ABCG2: variants seen among roughly 807,000 people sequenced by gnomAD.
ABCG2 encodes the protein broad substrate specificity ATP-binding cassette transporter ABCG2.
Under a neutral mutation model 73.5 loss-of-function variants are expected in ABCG2, and 80 were observed. The ratio of observed to expected loss-of-function variants is 1.09; its 90% CI spans 0.91 to 1.31. The LOEUF (loss-of-function observed/expected upper bound fraction) is 1.31, where lower values mean the gene tolerates loss of function less well. Among genes scored for constraint, ABCG2 ranks in the 50% most tolerant of loss-of-function variants. The probability of loss-of-function intolerance (pLI) is 0.00; values close to 1 mark genes in which losing one functional copy is unlikely to be tolerated. For synonymous variants in ABCG2, 269 were observed against 282.4 expected (o/e 0.95, Z 0.48); for missense variants, 796 against 786.2 (o/e 1.01, Z -0.15).
At chr4:88,211,905 A>ATT (rs2110123881) in intron 1 of ABCG2, among the ~76,000 whole-genome samples, 1 of 152,288 alleles carries the variant, frequency 6.6e-6, no homozygotes, top group South Asian at 2.1e-4. Context: ...AAGTTTGGCC[A>ATT]TTTTTGTCTT....
upstream of ABCG2, among the ~76,000 whole-genome samples, chr4:88,159,766 A>C (rs1727200796): frequency 6.6e-6 from 1 of 152,242 alleles, no homozygotes; most frequent in African/African-American, 2.4e-5. Context: ...AAAATTGACT[A>C]TACATAATTT....
chr4:88,153,403 T>C (rs1372855228), intron 1 of ABCG2, among the ~76,000 whole-genome samples: 1 of 151,992 alleles, frequency 6.6e-6, no homozygotes, highest in Non-Finnish European at 1.5e-5. Flanking sequence ...TTTTGTCGCA[T>C]TCCGAAGACA....
In ABCG2 at chr4:88,099,390, AT is replaced by A. The variant is rs747973490; in HGVS notation, c.1425del (p.Leu475PhefsTer7). 2 of 1,612,534 alleles carry A rather than the reference AT, an allele frequency of 1.2e-6. No homozygotes were observed. The highest frequency in any genetic ancestry group is 2.7e-5 in the African/African-American group (2 of 75,002). On this transcript the variant is annotated frameshift_variant, in exon 12 of 16. Coordinates refer to ENST00000237612, the MANE Select transcript of ABCG2 (RefSeq NM_004827.3). LOFTEE classifies it high-confidence loss of function. ...RVSSYFLGKL[L>X]SDLLPMRMLP... is the part of the protein sequence containing the mutation. ...AACATCCTCATGGGTAATAAATCAGATAACAGTTTTCCAAGGAAATAAGATG... is the reference window on the plus strand; with the variant it reads ...AACATCCTCATGGGTAATAAATCAGAAACAGTTTTCCAAGGAAATAAGATG...
At chr4:88,121,509 T>C in intron 6 of ABCG2, 126 bp downstream of exon 6, 2 of 921,422 alleles carry the variant, frequency 2.2e-6, no homozygotes, top group Non-Finnish European at 3.2e-6. Flanking sequence ...ATTTGTTAAC[T>C]GACTTTCACT....
chr4:88,163,688 G>A, upstream of ABCG2: 1 of 345,834 alleles, frequency 2.9e-6, no homozygotes, highest in Non-Finnish European at 5.7e-6. Context: ...CATAGAGTGG[G>A]CTTCAAGAAG....
chr4:88,097,659 G>A (rs1722080652), intron 12 of ABCG2, 52 bp from the exon 13 acceptor site: 1 of 1,564,478 alleles, frequency 6.4e-7, no homozygotes, highest in Non-Finnish European at 8.7e-7. Flanking sequence ...GTCACCGTAT[G>A]TTTGGGATTG....
At chr4:88,097,707 T>TCAA in intron 12 of ABCG2, 100 bp from the exon 13 acceptor site, 1 of 1,296,770 alleles carries the variant, frequency 7.7e-7, no homozygotes, top group Non-Finnish European at 1.1e-6. Flanking sequence ...TTTGAGAAAC[T>TCAA]AATATTAGAA....
chr4:88,151,996 G>A (rs941783177), intron 1 of ABCG2, among the ~76,000 whole-genome samples: 2 of 152,090 alleles, frequency 1.3e-5, no homozygotes, highest in African/African-American at 4.8e-5. Context: ...CTTCTTCATT[G>A]CTAGTATGAC....
intron 5 of ABCG2, among the ~76,000 whole-genome samples, chr4:88,127,038 A>G (rs957391133): frequency 6.6e-6 from 1 of 152,226 alleles, no homozygotes; most frequent in Non-Finnish European, 1.5e-5. Context: ...CCCTTGTCTC[A>G]GCCCAAAATC....
intron 1 of ABCG2, among the ~76,000 whole-genome samples, chr4:88,157,286 T>C (rs564691749): frequency 3.3e-5 from 5 of 152,144 alleles, no homozygotes; most frequent in South Asian, 2.1e-4. Context: ...TCAAGGTCCA[T>C]GAAAAAACAA....
chr4:88,179,810 T>C (rs1158721505), intron 1 of ABCG2, among the ~76,000 whole-genome samples: 1 of 152,174 alleles, frequency 6.6e-6, no homozygotes, highest in Non-Finnish European at 1.5e-5. Context: ...TCAGAGGATT[T>C]TAATAGCAGA....
At chr4:88,152,365 C>G (rs1014176656) in intron 1 of ABCG2, among the ~76,000 whole-genome samples, 1 of 152,116 alleles carries the variant, frequency 6.6e-6, no homozygotes, top group African/African-American at 2.4e-5. Flanking sequence ...AAACAGGCTT[C>G]GTGTGAGCAA....
intron 1 of ABCG2, among the ~76,000 whole-genome samples, chr4:88,155,837 C>T (rs1192860472): frequency 2.0e-5 from 3 of 151,668 alleles, no homozygotes; most frequent in South Asian, 2.1e-4. Flanking sequence ...ACCCAGGAAG[C>T]GGAGGAGGTT....
chr4:88,101,834 T>G (rs1253631292), intron 10 of ABCG2, among the ~76,000 whole-genome samples: 1 of 152,204 alleles, frequency 6.6e-6, no homozygotes, highest in African/African-American at 2.4e-5. Context: ...AGACTAGAAC[T>G]GAGAGAAAAT....
chr4:88,124,178 C>T (rs4488909), intron 5 of ABCG2, among the ~76,000 whole-genome samples: 8,360 of 152,086 alleles, frequency 0.055, 397 homozygotes, highest in Admixed American at 0.13. Context: ...AAATATAGAA[C>T]AGAAAAACTG....
chr4:88,225,619 T>G (rs953257274), intron 1 of ABCG2, among the ~76,000 whole-genome samples: 1 of 152,210 alleles, frequency 6.6e-6, no homozygotes. Context: ...AGGGCTTTGA[T>G]GTAGACAGGA....
At position 88,113,288 on chromosome 4, in the gene ABCG2, G is replaced by T; in HGVS notation, c.1194+15C>A. On this transcript the variant is annotated intron_variant, in intron 9 of 15. Coordinates refer to ENST00000237612, the MANE Select transcript of ABCG2 (RefSeq NM_004827.3). ...TTGTTCCCATTTGAGTATTTCAAAA[G>T]AATCTGCTGGTTACCTGAGCTATAG... The T allele has an allele frequency of 2.5e-6, 4 of 1,609,842 alleles. No homozygotes were observed. Among genetic ancestry groups the T allele is most frequent in the Non-Finnish European group, 2.5e-6 (3 of 1,178,712 alleles).
intron 1 of ABCG2, among the ~76,000 whole-genome samples, chr4:88,212,849 C>T (rs926566646): frequency 7.2e-5 from 11 of 152,138 alleles, no homozygotes; most frequent in Admixed American, 3.3e-4. Context: ...TGCAGTTGAA[C>T]GTGGGTGGAG....
At chr4:88,099,806 C>T (rs1179415684) in intron 11 of ABCG2, among the ~76,000 whole-genome samples, 1 of 152,166 alleles carries the variant, frequency 6.6e-6, no homozygotes, top group Non-Finnish European at 1.5e-5. Flanking sequence ...AAGAACAGCA[C>T]TTCAGTAGCC....
Sources: allele counts gnomAD v4.1 joint callset (sites outside exome capture counted in the v4.1 genomes callset), GRCh38; gene constraint gnomAD v4.1.1; transcripts MANE v1.5; gene names NCBI Gene and HGNC (gene_info 2026-07-23, HGNC 2026-07-21).